CRACD: variants seen among roughly 807,000 people sequenced by gnomAD.
CRACD encodes capping protein-inhibiting regulator of actin dynamics.
Under a neutral mutation model 106.8 loss-of-function variants are expected in CRACD, and 56 were observed. That is an observed-to-expected ratio of 0.52 (90% confidence interval 0.42 to 0.66). The LOEUF (loss-of-function observed/expected upper bound fraction) is 0.66. CRACD is among the 30% of genes least tolerant of loss of function. The pLI is 0.00. For missense variants in CRACD, 1,730 were observed against 1,623.2 expected (o/e 1.07, Z -1.13); for synonymous variants, 754 against 670.8 (o/e 1.12, Z -1.92).
At chr4:56,112,171 G>A (rs1295130380) in intron 1 of CRACD, among the ~76,000 whole-genome samples, 3 of 152,154 alleles carry the variant, frequency 2.0e-5, no homozygotes, top group Non-Finnish European at 4.4e-5. Context: ...GAATCAAGCT[G>A]AATTCTGCTT....
At chr4:56,283,600 G>A (rs1282714539) in intron 3 of CRACD, among the ~76,000 whole-genome samples, 2 of 152,168 alleles carry the variant, frequency 1.3e-5, no homozygotes. Context: ...TGGCAGGTGA[G>A]TCAAAGATGT....
chr4:56,227,622 C>G lies in CRACD; in HGVS notation c.-188-44699C>G, dbSNP rs4865068. 2.0e-5 allele frequency among the ~76,000 whole-genome samples: 3 copies of G among 152,106 alleles called. No homozygotes were observed. In the South Asian group the frequency reaches 6.2e-4, roughly 32 times the overall value. On this transcript the variant is annotated intron_variant, in intron 2 of 10. Coordinates refer to ENST00000682029, the MANE Select transcript of CRACD (RefSeq NM_001393381.1). ...TTTTAGGCTTTACGGGCCACATAGA[C>G]CGGCTGCAGCTGTTCAACTCCATCT...
intron 3 of CRACD, among the ~76,000 whole-genome samples, chr4:56,279,869 A>G (rs1217764002): frequency 1.3e-5 from 2 of 152,144 alleles, no homozygotes; most frequent in Non-Finnish European, 2.9e-5. Context: ...CACTATTCCC[A>G]ATAGCAAAGA....
chr4:56,111,711 G>A (rs768972812), intron 1 of CRACD, among the ~76,000 whole-genome samples: 5 of 152,042 alleles, frequency 3.3e-5, no homozygotes, highest in East Asian at 1.9e-4. Flanking sequence ...TTAGAGATAG[G>A]GTTTCTCCAT....
At position 56,314,825 on chromosome 4, in the gene CRACD, A is replaced by G. The variant is rs1426490834; in HGVS notation, c.1323A>G (p.Gln441=). 1.2e-6 allele frequency: 2 copies of G among 1,610,492 alleles called. No individual in the cohort carries two copies. Among genetic ancestry groups the G allele is most frequent in the East Asian group, 2.2e-5 (1 of 44,728 alleles). Residue 441 remains glutamine, a synonymous_variant, in exon 8 of 11, where the codon CAA becomes CAG. Coordinates refer to ENST00000682029, the MANE Select transcript of CRACD (RefSeq NM_001393381.1). The surrounding 1 kb of genome is among the most constrained non-coding windows in gnomAD (Gnocchi z 4.4). Reference sequence around the variant, plus strand: ...AGGAACGCCTGAAACCCGAAGGACAAAGAGAACACTCCGAGGAGCCAGGTA... The same window carrying G: ...AGGAACGCCTGAAACCCGAAGGACAGAGAGAACACTCCGAGGAGCCAGGTA... The part of the protein sequence containing the change: ...EDQERLKPEG[Q]REHSEEPGIC...
At chr4:56,166,689 A>C (rs1486931241) in intron 1 of CRACD, among the ~76,000 whole-genome samples, 1 of 151,740 alleles carries the variant, frequency 6.6e-6, no homozygotes, top group Non-Finnish European at 1.5e-5. Context: ...AAAAAAAAAA[A>C]AAACCATTTA....
At chr4:56,229,116 T>C (rs1229960648) in intron 2 of CRACD, among the ~76,000 whole-genome samples, 1 of 152,134 alleles carries the variant, frequency 6.6e-6, no homozygotes, top group African/African-American at 2.4e-5. Context: ...CAAAATGAAT[T>C]GTAATGGGGG....
At position 56,328,434 on chromosome 4, in the gene CRACD, TG is replaced by T; in HGVS notation, c.*632del. 1 of 517,956 alleles carries T rather than the reference TG, an allele frequency of 1.9e-6. No homozygotes were observed. The highest frequency in any genetic ancestry group is 3.9e-6 in the Non-Finnish European group (1 of 259,430). 32.1% of individuals were successfully genotyped at this position (517,956 alleles called of 1,614,324 possible). A position where few individuals can be genotyped will look rare whatever the true frequency, so the allele number is the denominator to read the frequency against. ...ATCCATTCACATTTTTACCGCACTG[TG>T]GATTCATAGTGTGGGGCCCTGTTAT... On this transcript the variant is annotated 3_prime_UTR_variant, in exon 11 of 11. Coordinates refer to ENST00000682029, the MANE Select transcript of CRACD (RefSeq NM_001393381.1).
At chr4:56,215,970 T>C (rs1738654565) in intron 2 of CRACD, 1 of 152,266 alleles carries the variant, frequency 6.6e-6, no homozygotes, top group Admixed American at 6.5e-5. Context: ...GGACCAGGTC[T>C]GGCTGTCCTG....
chr4:56,330,190 CTTT>C lies in CRACD; in HGVS notation c.*2398_*2400del, dbSNP rs34984806. Among the ~76,000 whole-genome samples, 17 of 147,846 alleles carry C rather than the reference CTTT, an allele frequency of 1.1e-4. No homozygotes were observed. Among genetic ancestry groups the C allele is most frequent in the Admixed American group, 6.8e-4 (10 of 14,778 alleles). ...GAATGATCACTATGTTAAATGCAAA[CTTT>C]TTTTTTTTTTTATTTAAACAAACAT... On this transcript the variant is annotated 3_prime_UTR_variant, in exon 11 of 11. Coordinates refer to ENST00000682029, the MANE Select transcript of CRACD (RefSeq NM_001393381.1).
intron 2 of CRACD, among the ~76,000 whole-genome samples, chr4:56,211,530 C>T (rs1012003846): frequency 5.9e-5 from 9 of 152,146 alleles, no homozygotes; most frequent in South Asian, 2.1e-4. Flanking sequence ...AATGAGTATA[C>T]GCTGACAATT....
intron 1 of CRACD, among the ~76,000 whole-genome samples, chr4:56,173,408 G>C: frequency 6.6e-6 from 1 of 152,212 alleles, no homozygotes; most frequent in East Asian, 1.9e-4. Flanking sequence ...GAAATTAATA[G>C]AGATGGGTGT....
intron 2 of CRACD, among the ~76,000 whole-genome samples, chr4:56,232,605 C>T (rs1250331737): frequency 6.6e-6 from 1 of 152,064 alleles, no homozygotes; most frequent in African/African-American, 2.4e-5. Context: ...TATAAGGTCC[C>T]CTTTTGCCAC....
chr4:56,284,860 A>T (rs1459422136), intron 3 of CRACD, among the ~76,000 whole-genome samples: 2 of 152,222 alleles, frequency 1.3e-5, no homozygotes, highest in African/African-American at 4.8e-5. Context: ...ATACAAAGAG[A>T]TTCCTGAGGG....
chr4:56,214,595 GA>G (rs1273948826), intron 2 of CRACD, among the ~76,000 whole-genome samples: 79 of 137,522 alleles, frequency 5.7e-4, no homozygotes, highest in African/African-American at 1.8e-3. Flanking sequence ...GTCTCAAGGA[GA>G]AAAAAAAAAG....
chr4:56,289,579 G>A (rs1490480418), intron 3 of CRACD, among the ~76,000 whole-genome samples: 2 of 151,980 alleles, frequency 1.3e-5, no homozygotes, highest in African/African-American at 2.4e-5. Context: ...AGGCTGAGGT[G>A]GGAGGATCCC....
chr4:56,141,243 A>G (rs144387363), intron 1 of CRACD, among the ~76,000 whole-genome samples: 2 of 152,288 alleles, frequency 1.3e-5, no homozygotes, highest in East Asian at 1.9e-4. Context: ...GTTTCCCACT[A>G]AAGAAACAGA....
chr4:56,137,111 C>A (rs964255816), intron 1 of CRACD, among the ~76,000 whole-genome samples: 4 of 152,048 alleles, frequency 2.6e-5, no homozygotes, highest in African/African-American at 9.7e-5. Context: ...GTTACAATGA[C>A]TATGATGTCA....
At position 56,328,335 on chromosome 4, in the gene CRACD, A is replaced by G. The variant is rs1388002592; in HGVS notation, c.*531A>G. ...TGAGTAATTGGGAATCACAAGGAACATTCTGGCACCCAACTGTGCCCATCT... is the reference window on the plus strand; with the variant it reads ...TGAGTAATTGGGAATCACAAGGAACGTTCTGGCACCCAACTGTGCCCATCT... On this transcript the variant is annotated 3_prime_UTR_variant, in exon 11 of 11. Transcript: ENST00000682029. 1.9e-6 allele frequency: 1 copy of G among 518,956 alleles called. No homozygotes were observed. Among genetic ancestry groups the G allele is most frequent in the Admixed American group, 1.9e-5 (1 of 51,596 alleles). 32.1% of individuals were successfully genotyped at this position (518,956 alleles called of 1,614,324 possible).
Sources: allele counts gnomAD v4.1 joint callset (sites outside exome capture counted in the v4.1 genomes callset), GRCh38; gene constraint gnomAD v4.1.1; non-coding constraint Gnocchi (gnomAD v3.1); transcripts MANE v1.5; gene names NCBI Gene and HGNC (gene_info 2026-07-23, HGNC 2026-07-21).